The following DSCAM variants were observed in gnomAD, a reference collection of about 807,000 sequenced individuals.
The protein encoded by DSCAM is DS cell adhesion molecule, also known as cell adhesion molecule DSCAM.
A neutral mutation model predicts 217.7 loss-of-function variants in DSCAM; 47 were observed. That is an observed-to-expected ratio of 0.22 (90% CI 0.17 to 0.28). DSCAM has a LOEUF of 0.28. Among genes scored for constraint, DSCAM ranks in the 10% least tolerant of loss-of-function variants. DSCAM has a pLI of 1.00. For synonymous variants in DSCAM, 1,056 were observed against 1,015.3 expected, an observed-to-expected ratio of 1.04 and a Z score of -0.76; for missense variants, 2,080 against 2,618.3, an observed-to-expected ratio of 0.79 and a Z score of 4.49.
intron 1 of DSCAM, among the ~76,000 whole-genome samples, chr21:40,836,452 C>T (rs2092057367): frequency 6.6e-6 from 1 of 152,210 alleles, no homozygotes; most frequent in African/African-American, 2.4e-5. Flanking sequence ...ACATACCCCT[C>T]TACTCAGAAT....
intron 8 of DSCAM, among the ~76,000 whole-genome samples, chr21:40,331,908 G>C (rs955229537): frequency 8.6e-5 from 13 of 152,040 alleles, no homozygotes; most frequent in African/African-American, 3.1e-4. Context: ...ATTTTAGTTT[G>C]CTTTCCTGTC....
chr21:40,699,329 G>A (rs2090629931), intron 2 of DSCAM, among the ~76,000 whole-genome samples: 1 of 151,884 alleles, frequency 6.6e-6, no homozygotes, highest in Non-Finnish European at 1.5e-5. Flanking sequence ...CCCTTTTTTT[G>A]AGACACAACA....
intron 14 of DSCAM, among the ~76,000 whole-genome samples, chr21:40,181,883 G>C (rs908282972): frequency 6.6e-6 from 1 of 151,996 alleles, no homozygotes; most frequent in Non-Finnish European, 1.5e-5. Context: ...AAGCATTCAC[G>C]AAAGAGTGGG....
intron 1 of DSCAM, among the ~76,000 whole-genome samples, chr21:40,758,715 G>C (rs1417916205): frequency 4.6e-5 from 7 of 151,968 alleles, no homozygotes; most frequent in African/African-American, 1.4e-4. Context: ...GGGGCAGCTT[G>C]GTTTCTTGGG....
At chr21:40,039,552 C>T (rs1343250799) in intron 32 of DSCAM, among the ~76,000 whole-genome samples, 1 of 151,912 alleles carries the variant, frequency 6.6e-6, no homozygotes, top group Non-Finnish European at 1.5e-5. Flanking sequence ...TAAACACACA[C>T]AGGAGATATA....
At chr21:40,167,492 T>A (rs1278719359) in intron 15 of DSCAM, among the ~76,000 whole-genome samples, 1 of 152,168 alleles carries the variant, frequency 6.6e-6, no homozygotes, top group African/African-American at 2.4e-5. Context: ...TTTGGAAACA[T>A]GAATCTTGGG....
intron 3 of DSCAM, among the ~76,000 whole-genome samples, chr21:40,650,651 C>T (rs993324589): frequency 1.4e-4 from 21 of 152,332 alleles, no homozygotes; most frequent in African/African-American, 5.1e-4. Context: ...CACTGTGGCT[C>T]ACGCCTGTAA....
At chr21:40,456,687 C>CTTCACAAT (rs2075766663) in intron 3 of DSCAM, among the ~76,000 whole-genome samples, 1 of 68,668 alleles carries the variant, frequency 1.5e-5, no homozygotes, top group African/African-American at 5.1e-5. Flanking sequence ...TGTGAATACA[C>CTTCACAAT]AATACAAAAA....
chr21:40,349,136 C>CA lies in DSCAM; in HGVS notation c.935-1192dup, dbSNP rs758386936. 9.5e-3 allele frequency among the ~76,000 whole-genome samples: 369 copies of CA among 38,662 alleles called. 25 individuals carry two copies. Among genetic ancestry groups the CA allele is most frequent in the Middle Eastern group, 0.041 (3 of 74 alleles). 25.4% of individuals were successfully genotyped at this position (38,662 alleles called of 152,430 possible). A position where few individuals can be genotyped will look rare whatever the true frequency, so the allele number is the denominator to read the frequency against. On this transcript the variant is annotated intron_variant, in intron 5 of 32. Coordinates refer to ENST00000400454, the MANE Select transcript of DSCAM (RefSeq NM_001389.5). The stretch of plus-strand genomic sequence containing the variant: ...TGGGGGACAGAGTGAGACTCCATCT[C>CA]AAAAAAAAAAAAAAAAAAAGAAATG...
chr21:40,265,171 G>T (rs750819814), intron 11 of DSCAM, among the ~76,000 whole-genome samples: 3 of 151,578 alleles, frequency 2.0e-5, no homozygotes, highest in Non-Finnish European at 4.4e-5. Context: ...ACTCCAGTGT[G>T]GGGGACAGAG....
intron 3 of DSCAM, among the ~76,000 whole-genome samples, chr21:40,584,806 C>T (rs1365939608): frequency 9.9e-5 from 15 of 152,184 alleles, no homozygotes. Context: ...GATACAAGAA[C>T]ACTGATACAG....
At chr21:40,596,120 C>T (rs1207513176) in intron 3 of DSCAM, among the ~76,000 whole-genome samples, 1 of 152,222 alleles carries the variant, frequency 6.6e-6, no homozygotes, top group Non-Finnish European at 1.5e-5. Context: ...TAAAATGGCA[C>T]ATGAGCTTGT....
At chr21:40,690,415 C>T (rs1192497219) in intron 3 of DSCAM, among the ~76,000 whole-genome samples, 2 of 152,222 alleles carry the variant, frequency 1.3e-5, no homozygotes, top group Non-Finnish European at 2.9e-5. Flanking sequence ...CCCTTTCTTT[C>T]AGTGATTTAC....
rs1221000367 is a variant in DSCAM, at chr21:40,539,180, C to T, written c.508+153630G>A. 3.9e-5 allele frequency among the ~76,000 whole-genome samples: 6 copies of T among 152,208 alleles called. No individual in the cohort carries two copies. In the East Asian group the frequency reaches 1.2e-3, roughly 29 times the overall value. ...ACCCCAGATGTCCACACCGGGTCCA[C>T]CAGAGCATCGCTGAGATTTGTTAGA... On this transcript the variant is annotated intron_variant, in intron 3 of 32. Coordinates refer to ENST00000400454, the MANE Select transcript of DSCAM (RefSeq NM_001389.5).
Position 40,637,452 on chromosome 21 carries a change from T to A in DSCAM, c.508+55358A>T, listed in dbSNP as rs1245813694. Among the ~76,000 whole-genome samples the A allele has an allele frequency of 1.7e-4, 8 of 46,628 alleles. No individual in the cohort carries two copies. The East Asian group carries it at 2.0e-3, about 12-fold the overall frequency. 30.6% of individuals were successfully genotyped at this position (46,628 alleles called of 152,430 possible). On this transcript the variant is annotated intron_variant, in intron 3 of 32. Coordinates refer to ENST00000400454, the MANE Select transcript of DSCAM (RefSeq NM_001389.5). ...ATATAAATATAAATATATATATAAATATATACAAATATATATAAATATATA... is the reference window on the plus strand; with the variant it reads ...ATATAAATATAAATATATATATAAAAATATACAAATATATATAAATATATA...
intron 3 of DSCAM, among the ~76,000 whole-genome samples, chr21:40,477,565 C>A (rs2075947997): frequency 6.6e-6 from 1 of 152,020 alleles, no homozygotes; most frequent in Non-Finnish European, 1.5e-5. Context: ...CCCATTAAAA[C>A]AGCATATGAA....
intron 3 of DSCAM, among the ~76,000 whole-genome samples, chr21:40,639,594 A>C (rs2089852245): frequency 6.6e-6 from 1 of 152,206 alleles, no homozygotes; most frequent in Non-Finnish European, 1.5e-5. Context: ...GTTAATATTT[A>C]AAATGGTATC....
chr21:40,708,375 G>A (rs2090740080), intron 2 of DSCAM, 79 bp downstream of exon 2: 28 of 1,209,286 alleles, frequency 2.3e-5, no homozygotes, highest in Non-Finnish European at 2.7e-5. Flanking sequence ...TGCTGTGATG[G>A]CATTTTGCTA....
At chr21:40,663,803 C>T (rs1480593795) in intron 3 of DSCAM, among the ~76,000 whole-genome samples, 1 of 152,168 alleles carries the variant, frequency 6.6e-6, no homozygotes, top group Non-Finnish European at 1.5e-5. Context: ...AGTTTCTGGA[C>T]ACCTTGATGC....
Sources: gnomAD v4.1 joint callset for allele counts (sites outside exome capture counted in the v4.1 genomes callset) on GRCh38, gnomAD v4.1.1 for gene constraint, MANE v1.5 for transcripts, NCBI Gene and HGNC (gene_info 2026-07-23, HGNC 2026-07-21) for gene names.